RBM28: variants seen among roughly 807,000 people sequenced by gnomAD.
RBM28 encodes the protein RNA-binding protein 28.
Under a neutral mutation model 98.3 loss-of-function variants are expected in RBM28, and 78 were observed. The ratio of observed to expected loss-of-function variants is 0.79; its 90% CI spans 0.66 to 0.96. RBM28 has a LOEUF of 0.96. Ranked by LOEUF, RBM28 falls within the 40% of genes least tolerant of loss-of-function variation. RBM28 has a pLI of 0.00. For synonymous variants in RBM28, 306 were observed against 330.9 expected, an observed-to-expected ratio of 0.92 and a Z score of 0.82; for missense variants, 838 against 913.0, an observed-to-expected ratio of 0.92 and a Z score of 1.06.
chr7:128,343,130 C>T (rs1438364209), intron 1 of RBM28, among the ~76,000 whole-genome samples: 6 of 152,128 alleles, frequency 3.9e-5, no homozygotes, highest in Non-Finnish European at 8.8e-5. Context: ...TCCCCAGGAC[C>T]TACAACACTT....
At chr7:128,333,250 A>G in intron 9 of RBM28, 40 bp downstream of exon 9, 3 of 1,465,648 alleles carry the variant, frequency 2.0e-6, no homozygotes, top group Non-Finnish European at 2.9e-6. Flanking sequence ...GAGATCTATG[A>G]AGACCACGCA....
At chr7:128,331,314 GAATCTATGT>G (rs1372799862) in intron 9 of RBM28, among the ~76,000 whole-genome samples, 2 of 142,488 alleles carry the variant, frequency 1.4e-5, no homozygotes, top group Admixed American at 7.2e-5. Context: ...GTACTTTACA[GAATCTATGT>G]TATACCTTAA....
At chr7:128,323,720 G>T in intron 12 of RBM28, 129 bp from the exon 13 acceptor site, 3 of 1,037,368 alleles carry the variant, frequency 2.9e-6, no homozygotes, top group African/African-American at 1.6e-5. Flanking sequence ...AGGACACGGT[G>T]GCATTTGGTT....
At chr7:128,322,512 C>G (rs979149511) in intron 13 of RBM28, among the ~76,000 whole-genome samples, 1 of 152,148 alleles carries the variant, frequency 6.6e-6, no homozygotes, top group Non-Finnish European at 1.5e-5. Flanking sequence ...TGGAAAACGA[C>G]TATTAAAGGA....
At chr7:128,320,514 G>C (rs1796208939) in intron 14 of RBM28, among the ~76,000 whole-genome samples, 1 of 152,296 alleles carries the variant, frequency 6.6e-6, no homozygotes, top group East Asian at 1.9e-4. Flanking sequence ...AACCAAGTTG[G>C]TGTGAACCCA....
At chr7:128,337,456 A>G (rs897222271) in intron 5 of RBM28, among the ~76,000 whole-genome samples, 1 of 152,092 alleles carries the variant, frequency 6.6e-6, no homozygotes, top group Non-Finnish European at 1.5e-5. Flanking sequence ...TAAAAAAATA[A>G]AGAATTAGAA....
Position 128,343,677 on chromosome 7 carries a change from T to G in RBM28, c.117A>C (p.Lys39Asn). The G allele has an allele frequency of 6.3e-7, 1 of 1,599,044 alleles. No homozygotes were observed. The highest frequency in any genetic ancestry group is 1.3e-5 in the African/African-American group (1 of 74,254). Residue 39 changes from lysine (K) to asparagine (N), a missense_variant and splice_region_variant, in exon 1 of 19, where the codon AAA becomes AAC. Transcript: ENST00000223073. The stretch of plus-strand genomic sequence containing the variant: ...TATCCTCGACCGCCCCGCCCCTACC[T>G]TTTTCAGTCACCACGAAGCACTGCT... ...PVKQCFVVTE[K>N]GSKACRGFGY...
At position 128,307,748 on chromosome 7, in the gene RBM28, G is replaced by A. The variant is rs990485974; in HGVS notation, c.*3049C>T. ...AGCCAGGCTATTATATAATCAAGCA[G>A]GAAAATACTACTAAAACTTGATAGT... On this transcript the variant is annotated 3_prime_UTR_variant, in exon 19 of 19. Transcript: ENST00000223073. 17 of 152,148 alleles carry A rather than the reference G, an allele frequency of 1.1e-4. No homozygotes were observed. Among genetic ancestry groups the A allele is most frequent in the Non-Finnish European group, 2.1e-4 (14 of 68,032 alleles). 9.4% of individuals were successfully genotyped at this position (152,148 alleles called of 1,614,324 possible).
chr7:128,337,068 T>C, intron 6 of RBM28, 63 bp downstream of exon 6: 1 of 1,524,708 alleles, frequency 6.6e-7, no homozygotes, highest in Non-Finnish European at 9.1e-7. Flanking sequence ...ACACAGGAGT[T>C]GTTTCAATAC....
chr7:128,337,429 C>A (rs1406242558), intron 5 of RBM28, among the ~76,000 whole-genome samples: 1 of 152,096 alleles, frequency 6.6e-6, no homozygotes, highest in Non-Finnish European at 1.5e-5. Context: ...AGCCACCACA[C>A]CTGGGATAAG....
At chr7:128,315,209 TG>T (rs1462594238) in intron 16 of RBM28, among the ~76,000 whole-genome samples, 189 bp from the exon 17 acceptor site, 3 of 151,980 alleles carry the variant, frequency 2.0e-5, no homozygotes, top group African/African-American at 7.2e-5. Flanking sequence ...GGTTACTGGG[TG>T]GGGGGCACAA....
intron 11 of RBM28, among the ~76,000 whole-genome samples, chr7:128,324,996 C>T (rs953896836): frequency 1.3e-5 from 2 of 151,688 alleles, no homozygotes; most frequent in African/African-American, 2.4e-5. Context: ...GGAGACAGAG[C>T]GAGACTCCAC....
Position 128,303,984 on chromosome 7 carries a change from C to G in RBM28, c.*6813G>C, listed in dbSNP as rs530813768. On this transcript the variant is annotated 3_prime_UTR_variant, in exon 19 of 19. Coordinates refer to ENST00000223073, the MANE Select transcript of RBM28 (RefSeq NM_018077.3). The stretch of plus-strand genomic sequence containing the variant: ...GTCGGGAAGGCTGGGCAGAACACTA[C>G]TTGGACAACTAAAAAAGCAAGTGGG... 1 of 152,304 alleles carries G rather than the reference C, an allele frequency of 6.6e-6. No homozygotes were observed. The highest frequency in any genetic ancestry group is 2.4e-5 in the African/African-American group (1 of 41,558). The allele number at this position is 152,304 out of a possible 1,614,324, so 9.4% of individuals were successfully genotyped here.
At chr7:128,318,152 A>C in intron 14 of RBM28, 46 bp from the exon 15 acceptor site, 1 of 1,548,904 alleles carries the variant, frequency 6.5e-7, no homozygotes, top group Non-Finnish European at 8.9e-7. Context: ...GAATGAGAAG[A>C]CTTGCCTGAC....
chr7:128,339,366 C>T (rs775017798), intron 2 of RBM28, 45 bp from the exon 3 acceptor site: 3 of 1,450,972 alleles, frequency 2.1e-6, no homozygotes, highest in Admixed American at 1.7e-5. Flanking sequence ...AAATCACCCA[C>T]TTCTACGCCA....
chr7:128,336,296 G>C (rs145128156), intron 6 of RBM28, among the ~76,000 whole-genome samples: 1 of 152,248 alleles, frequency 6.6e-6, no homozygotes, highest in Non-Finnish European at 1.5e-5. Flanking sequence ...GGCCCAGACT[G>C]AAAGAAGTGG....
intron 8 of RBM28, 91 bp downstream of exon 8, chr7:128,335,452 T>G: frequency 1.3e-6 from 2 of 1,512,278 alleles, no homozygotes; most frequent in Non-Finnish European, 1.8e-6. Flanking sequence ...GAGTCCTATT[T>G]AAAAAGAGAT....
intron 1 of RBM28, 132 bp from the exon 2 acceptor site, chr7:128,339,923 A>C (rs1264726108): frequency 9.0e-7 from 1 of 1,106,516 alleles, no homozygotes; most frequent in Non-Finnish European, 1.3e-6. Flanking sequence ...TCTTGCTATC[A>C]GTTTGCCAAA....
intron 18 of RBM28, 163 bp downstream of exon 18, chr7:128,313,012 C>T: frequency 1.4e-6 from 1 of 714,196 alleles, no homozygotes. Flanking sequence ...TTACTTTTTT[C>T]TCTCCACTTT....
Sources: allele counts gnomAD v4.1 joint callset (sites outside exome capture counted in the v4.1 genomes callset), GRCh38; gene constraint gnomAD v4.1.1; transcripts MANE v1.5; gene names NCBI Gene and HGNC (gene_info 2026-07-23, HGNC 2026-07-21).